The following PLEKHG7 variants were observed in gnomAD, a reference collection of about 807,000 sequenced individuals.
The protein encoded by PLEKHG7 is pleckstrin homology domain-containing family G member 7.
PLEKHG7 carries 77 observed loss-of-function variants against 85.2 expected under a neutral mutation model. The ratio of observed to expected loss-of-function variants is 0.90; its 90% CI spans 0.75 to 1.09. The LOEUF (loss-of-function observed/expected upper bound fraction) is 1.09, where lower values mean the gene tolerates loss of function less well. Ranked by LOEUF, PLEKHG7 falls within the 50% of genes least tolerant of loss-of-function variation. The probability of loss-of-function intolerance (pLI) is 0.00; values close to 1 mark genes in which losing one functional copy is unlikely to be tolerated. For synonymous variants in PLEKHG7, 301 were observed against 302.4 expected (o/e 1.00, Z 0.05); for missense variants, 777 against 804.3 (o/e 0.97, Z 0.41).
rs1872148842 is a variant in PLEKHG7 at position 92,736,349 on chromosome 12, AG to A, written c.700-132del. The A allele has an allele frequency of 8.2e-6, 4 of 489,556 alleles. No homozygotes were observed. The South Asian group carries it at 4.5e-4, about 55-fold the overall frequency. 30.3% of individuals were successfully genotyped at this position (489,556 alleles called of 1,614,324 possible). On this transcript the variant is annotated intron_variant, in intron 5 of 16. Transcript: ENST00000344636. ...GCTCAGAAATGGCTTTGGAACTGTT[AG>A]TGGCTTAAAGACAAAATATGCCATC...
Position 92,770,358 on chromosome 12 carries a change from G to T in PLEKHG7, c.*163G>T. The T allele has an allele frequency of 3.6e-6, 2 of 554,198 alleles. No homozygotes were observed. Among genetic ancestry groups the T allele is most frequent in the Non-Finnish European group, 6.3e-6 (2 of 317,846 alleles). 34.3% of individuals were successfully genotyped at this position (554,198 alleles called of 1,614,324 possible). On this transcript the variant is annotated 3_prime_UTR_variant, in exon 17 of 17. Transcript: ENST00000344636. Reference sequence around the variant, plus strand: ...GAGCTAGGAAAATCCTCAGTATAGAGGAATAATGACTGCAACAAATTTGAA... The same window carrying T: ...GAGCTAGGAAAATCCTCAGTATAGATGAATAATGACTGCAACAAATTTGAA...
chr12:92,737,910 C>T (rs573988035), intron 7 of PLEKHG7, among the ~76,000 whole-genome samples: 3 of 152,294 alleles, frequency 2.0e-5, no homozygotes, highest in African/African-American at 7.2e-5. Context: ...ATGAGATCGT[C>T]TAAGTGAACT....
At chr12:92,731,395 G>T (rs1052046475) in intron 4 of PLEKHG7, among the ~76,000 whole-genome samples, 1 of 152,194 alleles carries the variant, frequency 6.6e-6, no homozygotes, top group Non-Finnish European at 1.5e-5. Context: ...ATGCTGCTCA[G>T]TTCATTGCTT....
At chr12:92,730,725 T>C (rs1871966313) in intron 4 of PLEKHG7, among the ~76,000 whole-genome samples, 3 of 152,246 alleles carry the variant, frequency 2.0e-5, no homozygotes, top group African/African-American at 7.2e-5. Context: ...CAGCCAGCAG[T>C]CTTTTTTAAC....
At chr12:92,765,047 T>C (rs1873151465) in intron 15 of PLEKHG7, among the ~76,000 whole-genome samples, 1 of 152,062 alleles carries the variant, frequency 6.6e-6, no homozygotes, top group Non-Finnish European at 1.5e-5. Flanking sequence ...TCCCCCTCAA[T>C]TCCCATCCCA....
intron 10 of PLEKHG7, among the ~76,000 whole-genome samples, chr12:92,746,312 CT>C (rs1674975161): frequency 6.6e-6 from 1 of 152,260 alleles, no homozygotes; most frequent in Non-Finnish European, 1.5e-5. Flanking sequence ...CGAGAAGCCC[CT>C]GCCAGAGCAT....
At chr12:92,711,573 C>A (rs1871367557) in intron 3 of PLEKHG7, among the ~76,000 whole-genome samples, 1 of 152,178 alleles carries the variant, frequency 6.6e-6, no homozygotes, top group Non-Finnish European at 1.5e-5. Context: ...GACCCATAGT[C>A]AAATGTTCAG....
Position 92,754,163 on chromosome 12 carries a change from C to T in PLEKHG7, c.1325C>T (p.Thr442Ile). The T allele has an allele frequency of 6.2e-7, 1 of 1,613,996 alleles. No homozygotes were observed. The highest frequency in any genetic ancestry group is 8.5e-7 in the Non-Finnish European group (1 of 1,179,950). Residue 442 changes from threonine (T) to isoleucine (I), a missense_variant, in exon 11 of 17, where the codon ACT (threonine) becomes ATT (isoleucine). Around this residue, in one of 3 missense-constraint regions of PLEKHG7, gnomAD observed 520 missense variants for 544.0 expected, o/e 0.96. Transcript: ENST00000344636. ...CTAGTGGCCCCACTACAGAGGCTCA[C>T]TCGATATCCGTTGTTGCTGAAGAAT... ...ELLVAPLQRL[T>I]RYPLLLKNIW...
intron 3 of PLEKHG7, among the ~76,000 whole-genome samples, chr12:92,716,489 T>C (rs1054663466): frequency 1.3e-5 from 2 of 152,240 alleles, no homozygotes; most frequent in Non-Finnish European, 2.9e-5. Flanking sequence ...GCTCTCACGT[T>C]TTTCTTTGTG....
chr12:92,752,027 TA>T (rs749419861), intron 10 of PLEKHG7, among the ~76,000 whole-genome samples: 5,469 of 139,060 alleles, frequency 0.039, 132 homozygotes, highest in Non-Finnish European at 0.056. Flanking sequence ...CCATCCCCCT[TA>T]AAAAAAAAAA....
chr12:92,748,844 G>C (rs1037277532), intron 10 of PLEKHG7, among the ~76,000 whole-genome samples: 1 of 152,232 alleles, frequency 6.6e-6, no homozygotes, highest in East Asian at 1.9e-4. Context: ...AGAGGTCAGG[G>C]AGAGACTCGC....
At chr12:92,708,653 T>A (rs992727004) in intron 3 of PLEKHG7, 2 of 152,170 alleles carry the variant, frequency 1.3e-5, no homozygotes, top group Non-Finnish European at 2.9e-5. Flanking sequence ...ATCCTGCTCA[T>A]GGGATCAAAG....
intron 13 of PLEKHG7, among the ~76,000 whole-genome samples, chr12:92,759,052 T>C (rs1180248606): frequency 6.6e-6 from 1 of 152,216 alleles, no homozygotes; most frequent in Non-Finnish European, 1.5e-5. Flanking sequence ...ACAATGAGGA[T>C]GAAAATGATG....
intron 13 of PLEKHG7, among the ~76,000 whole-genome samples, chr12:92,760,535 T>G (rs1226432678): frequency 2.0e-5 from 3 of 152,178 alleles, no homozygotes; most frequent in African/African-American, 7.2e-5. Context: ...ATATATAATC[T>G]AAATAGAACA....
intron 10 of PLEKHG7, among the ~76,000 whole-genome samples, chr12:92,749,178 A>T (rs530462833): frequency 3.3e-5 from 5 of 152,168 alleles, no homozygotes; most frequent in African/African-American, 1.2e-4. Flanking sequence ...GGATAAATTT[A>T]CCCTCCACAC....
At chr12:92,731,018 A>G (rs1285443222) in intron 4 of PLEKHG7, among the ~76,000 whole-genome samples, 1 of 152,218 alleles carries the variant, frequency 6.6e-6, no homozygotes, top group African/African-American at 2.4e-5. Context: ...TGAAATAAAG[A>G]TTCTGGCTTA....
chr12:92,759,165 A>G (rs903066178), intron 13 of PLEKHG7, among the ~76,000 whole-genome samples: 6 of 152,282 alleles, frequency 3.9e-5, no homozygotes, highest in South Asian at 4.1e-4. Context: ...GAAGGTACAC[A>G]TTTTCATAAT....
intron 14 of PLEKHG7, among the ~76,000 whole-genome samples, 176 bp from the exon 15 acceptor site, chr12:92,763,865 A>G (rs1286262344): frequency 1.3e-5 from 2 of 152,224 alleles, no homozygotes; most frequent in East Asian, 3.9e-4. Flanking sequence ...ACTTTGCTAT[A>G]AATCACTATG....
rs1592680008 is a variant in PLEKHG7 at position 92,736,529 on chromosome 12, C to T, written c.747C>T (p.Ser249=). 8.1e-7 allele frequency: 1 copy of T among 1,231,958 alleles called. No individual in the cohort carries two copies. Among genetic ancestry groups the T allele is most frequent in the East Asian group, 3.2e-5 (1 of 31,708 alleles). 76.3% of individuals were successfully genotyped at this position (1,231,958 alleles called of 1,614,324 possible). A position where few individuals can be genotyped will look rare whatever the true frequency, so the allele number is the denominator to read the frequency against. ...TATCTGATCTGGAAAACTGCCTGTC[C>T]TCTGTGAAAATTACCAGCTTCAGGG... ...KHISDLENCL[S]SVKITSFRGY... is the part of the protein sequence containing the mutation. The change falls in exon 6 of 17, where the codon TCC becomes TCT. Residue 249 remains serine (S), a synonymous_variant. Transcript: ENST00000344636.
Sources: gnomAD v4.1 joint callset for allele counts (sites outside exome capture counted in the v4.1 genomes callset) on GRCh38, gnomAD v4.1.1 for gene constraint, gnomAD v4.1.1 regional missense constraint, MANE v1.5 for transcripts, NCBI Gene and HGNC (gene_info 2026-07-23, HGNC 2026-07-21) for gene names.